The following CMSS1 variants were observed in gnomAD, a reference collection of about 807,000 sequenced individuals.
CMSS1 encodes cms1 ribosomal small subunit homolog.
CMSS1 carries 33 observed loss-of-function variants against 43.5 expected under a neutral mutation model. That is an observed-to-expected ratio of 0.76 (90% CI 0.57 to 1.01). The LOEUF is 1.01. Among genes scored for constraint, CMSS1 ranks in the 50% least tolerant of loss-of-function variants. The pLI is 0.00. For missense variants in CMSS1, 313 were observed against 326.4 expected (o/e 0.96, Z 0.32); for synonymous variants, 115 against 117.2 (o/e 0.98, Z 0.12).
intron 1 of CMSS1, among the ~76,000 whole-genome samples, chr3:99,880,870 C>A (rs1705702345): frequency 6.6e-6 from 1 of 151,888 alleles, no homozygotes; most frequent in South Asian, 2.1e-4. Context: ...TGTGGATGGA[C>A]CCTGTATGTG....
chr3:99,835,500 A>G (rs1000864165), intron 1 of CMSS1, among the ~76,000 whole-genome samples: 3 of 152,204 alleles, frequency 2.0e-5, no homozygotes, highest in African/African-American at 7.2e-5. Flanking sequence ...AGCACCTACT[A>G]TGAGCACTAT....
intron 1 of CMSS1, among the ~76,000 whole-genome samples, chr3:100,064,250 A>G (rs531412172): frequency 6.6e-6 from 1 of 152,204 alleles, no homozygotes; most frequent in South Asian, 2.1e-4. Flanking sequence ...ATCAAAGTAA[A>G]CATTTCATGA....
intron 1 of CMSS1, among the ~76,000 whole-genome samples, chr3:99,968,010 A>C (rs1389190109): frequency 1.3e-5 from 2 of 152,232 alleles, no homozygotes; most frequent in East Asian, 1.9e-4. Flanking sequence ...TCATGTACCA[A>C]GCAGTATGCT....
intron 1 of CMSS1, among the ~76,000 whole-genome samples, chr3:100,115,226 G>A (rs1202255431): frequency 1.3e-5 from 2 of 152,060 alleles, no homozygotes; most frequent in Non-Finnish European, 1.5e-5. Flanking sequence ...CCTACCACCT[G>A]CCCAGTGCTC....
intron 1 of CMSS1, among the ~76,000 whole-genome samples, chr3:99,903,273 ACG>A (rs1706497613): frequency 6.7e-6 from 1 of 149,836 alleles, no homozygotes; most frequent in Admixed American, 6.8e-5. Flanking sequence ...TTTTTTTGAG[ACG>A]GAATCTCGCT....
chr3:100,098,810 A>G (rs971122607), intron 1 of CMSS1, among the ~76,000 whole-genome samples: 3 of 152,226 alleles, frequency 2.0e-5, no homozygotes, highest in African/African-American at 7.2e-5. Flanking sequence ...AAACTAGGAA[A>G]ATATTTTAGG....
intron 1 of CMSS1, among the ~76,000 whole-genome samples, chr3:100,021,861 A>G (rs188568881): frequency 1.7e-3 from 251 of 151,238 alleles, no homozygotes; most frequent in Middle Eastern, 3.4e-3. Flanking sequence ...TTAAAGGAAG[A>G]ATAGCTGATA....
At chr3:100,115,187 A>G (rs1398044483) in intron 1 of CMSS1, among the ~76,000 whole-genome samples, 3 of 152,172 alleles carry the variant, frequency 2.0e-5, no homozygotes, top group Non-Finnish European at 4.4e-5. Context: ...TTCAGCATCC[A>G]TTATGTATCA....
At chr3:100,047,127 GTAAAATGGGTA>G (rs1199899152) in intron 1 of CMSS1, among the ~76,000 whole-genome samples, 1 of 152,126 alleles carries the variant, frequency 6.6e-6, no homozygotes, top group East Asian at 1.9e-4. Flanking sequence ...TTCCTTGTTG[GTAAAATGGGTA>G]TAATACTTTC....
chr3:99,868,435 C>T (rs1944626459), intron 1 of CMSS1, among the ~76,000 whole-genome samples: 1 of 152,134 alleles, frequency 6.6e-6, no homozygotes, highest in Admixed American at 6.5e-5. Flanking sequence ...TATATGTCAG[C>T]CCAGCAGCAC....
rs532824777 is a variant in CMSS1, at chr3:100,158,741, C to G, written c.154-1689C>G. ...TTTTCCTGTGCATGATTCAGAATTA[C>G]ATTTTTATTTTTTCTCCCAGAATTA... On this transcript the variant is annotated intron_variant, in intron 2 of 9. Transcript: ENST00000421999. Among the ~76,000 whole-genome samples, 6 of 152,314 alleles carry G rather than the reference C, an allele frequency of 3.9e-5. No homozygotes were observed. The South Asian group carries it at 8.3e-4, about 21-fold the overall frequency.
intron 1 of CMSS1, among the ~76,000 whole-genome samples, chr3:100,039,437 G>A (rs73859921): frequency 0.015 from 2,244 of 152,238 alleles, 56 homozygotes; most frequent in African/African-American, 0.052. Flanking sequence ...TTTCAGTGGA[G>A]TTCTACAAAA....
At chr3:100,124,903 G>A (rs1181538448) in intron 1 of CMSS1, among the ~76,000 whole-genome samples, 3 of 50,418 alleles carry the variant, frequency 6.0e-5, no homozygotes, top group East Asian at 4.7e-4. Flanking sequence ...TCAGATCCCC[G>A]TTTTCAGTCT....
At chr3:99,843,845 C>G (rs905631774) in intron 1 of CMSS1, among the ~76,000 whole-genome samples, 3 of 152,170 alleles carry the variant, frequency 2.0e-5, no homozygotes, top group African/African-American at 2.4e-5. Context: ...TGCCTCCTGT[C>G]AGATCAGCAG....
At chr3:99,842,452 A>G (rs1196542937) in intron 1 of CMSS1, among the ~76,000 whole-genome samples, 2 of 151,742 alleles carry the variant, frequency 1.3e-5, no homozygotes, top group African/African-American at 4.8e-5. Flanking sequence ...TCATGTAACC[A>G]AACACCACTT....
chr3:99,961,021 C>A (rs546642833), intron 1 of CMSS1, among the ~76,000 whole-genome samples: 2 of 152,176 alleles, frequency 1.3e-5, no homozygotes, highest in South Asian at 4.1e-4. Flanking sequence ...TTATCAGGAA[C>A]ATATTCGTTA....
intron 1 of CMSS1, among the ~76,000 whole-genome samples, chr3:100,091,973 T>C (rs1163574530): frequency 2.6e-5 from 4 of 152,240 alleles, no homozygotes; most frequent in Non-Finnish European, 5.9e-5. Context: ...CTTTACCAGC[T>C]ATCTGTCCTA....
intron 1 of CMSS1, among the ~76,000 whole-genome samples, chr3:99,889,382 A>G (rs1706012265): frequency 6.6e-6 from 1 of 152,086 alleles, no homozygotes; most frequent in Non-Finnish European, 1.5e-5. Context: ...TGATATTAAC[A>G]TAGCTATATA....
Position 99,829,323 on chromosome 3 carries a change from G to A in CMSS1, c.64+11280G>A, listed in dbSNP as rs370665890. Among the ~76,000 whole-genome samples, 11 of 152,058 alleles carry A rather than the reference G, an allele frequency of 7.2e-5. 1 individual carries two copies. The highest frequency in any genetic ancestry group is 7.2e-4 in the Admixed American group (11 of 15,262). ...GTCTTAAAATGTCCTGTATTACTCT[G>A]TCCACACTGAATTACAGGCACACCT... On this transcript the variant is annotated intron_variant, in intron 1 of 9. Coordinates refer to ENST00000421999, the MANE Select transcript of CMSS1 (RefSeq NM_032359.4).
Sources: gnomAD v4.1 joint callset for allele counts (sites outside exome capture counted in the v4.1 genomes callset) on GRCh38, gnomAD v4.1.1 for gene constraint, MANE v1.5 for transcripts, NCBI Gene and HGNC (gene_info 2026-07-23, HGNC 2026-07-21) for gene names.